Variants in CSMD1 observed in about 807,000 individuals in gnomAD.
CSMD1 encodes the protein CUB and sushi domain-containing protein 1.
A neutral mutation model predicts 417.5 loss-of-function variants in CSMD1; 213 were observed. The ratio of observed to expected loss-of-function variants is 0.51; its 90% confidence interval spans 0.46 to 0.57. The LOEUF is 0.57. Among genes scored for constraint, CSMD1 ranks in the 20% least tolerant of loss-of-function variants. The pLI is 0.00. For synonymous variants in CSMD1, 2,862 were observed against 1,736.8 expected, an observed-to-expected ratio of 1.65 and a Z score of -16.11; for missense variants, 6,923 against 4,529.7, an observed-to-expected ratio of 1.53 and a Z score of -15.17.
chr8:3,969,580 T>G (rs919714461), intron 5 of CSMD1, among the ~76,000 whole-genome samples: 5 of 152,178 alleles, frequency 3.3e-5, no homozygotes, highest in African/African-American at 1.2e-4. Context: ...GACGGCATAA[T>G]TGAAATTTCA....
intron 3 of CSMD1, among the ~76,000 whole-genome samples, chr8:4,338,131 G>T (rs1285887325): frequency 6.6e-6 from 1 of 152,040 alleles, no homozygotes; most frequent in African/African-American, 2.4e-5. Flanking sequence ...GAATTACTAT[G>T]ATTTTTATTC....
At chr8:4,137,879 AATTT>A (rs1803529314) in intron 3 of CSMD1, among the ~76,000 whole-genome samples, 1 of 151,092 alleles carries the variant, frequency 6.6e-6, no homozygotes. Flanking sequence ...TTTTTTAATT[AATTT>A]ATTTATTTAC....
chr8:4,206,985 T>A (rs893646484), intron 3 of CSMD1, among the ~76,000 whole-genome samples: 5 of 152,184 alleles, frequency 3.3e-5, no homozygotes, highest in African/African-American at 1.2e-4. Flanking sequence ...AAATTATAAA[T>A]CTATAAAAAT....
At chr8:4,520,046 T>C (rs767512493) in intron 2 of CSMD1, among the ~76,000 whole-genome samples, 1 of 152,076 alleles carries the variant, frequency 6.6e-6, no homozygotes, top group Non-Finnish European at 1.5e-5. Context: ...TCTATGCTTG[T>C]TTAACACTCA....
chr8:3,192,469 G>T (rs1035296296), intron 33 of CSMD1, among the ~76,000 whole-genome samples: 1 of 152,154 alleles, frequency 6.6e-6, no homozygotes, highest in Non-Finnish European at 1.5e-5. Flanking sequence ...TTGTTAAGAT[G>T]ATGACTTAGT....
At chr8:4,336,214 G>A (rs899247593) in intron 3 of CSMD1, among the ~76,000 whole-genome samples, 1 of 152,178 alleles carries the variant, frequency 6.6e-6, no homozygotes, top group African/African-American at 2.4e-5. Context: ...CAGGTAGTAT[G>A]AATGCACCTG....
At chr8:3,241,056 T>C (rs746653408) in intron 26 of CSMD1, among the ~76,000 whole-genome samples, 1 of 147,910 alleles carries the variant, frequency 6.8e-6, no homozygotes, top group Non-Finnish European at 1.5e-5. Flanking sequence ...CTCATACTTG[T>C]GGGTTAAGGT....
chr8:3,593,440 G>T (rs112136096), intron 8 of CSMD1, among the ~76,000 whole-genome samples: 2 of 152,218 alleles, frequency 1.3e-5, no homozygotes, highest in Non-Finnish European at 2.9e-5. Context: ...CCTAGGAAAG[G>T]TTATGACTGG....
chr8:4,387,750 TCAAAAATC>T (rs1803553540), intron 3 of CSMD1, among the ~76,000 whole-genome samples: 1 of 152,054 alleles, frequency 6.6e-6, no homozygotes, highest in Non-Finnish European at 1.5e-5. Flanking sequence ...TACAACATAT[TCAAAAATC>T]CTATCTGAAG....
At chr8:4,394,171 C>T (rs1804049850) in intron 3 of CSMD1, among the ~76,000 whole-genome samples, 1 of 152,186 alleles carries the variant, frequency 6.6e-6, no homozygotes, top group African/African-American at 2.4e-5. Context: ...TATCATCCAA[C>T]ATACATCTGT....
chr8:4,098,503 C>T (rs749965622), intron 3 of CSMD1, among the ~76,000 whole-genome samples: 1 of 151,970 alleles, frequency 6.6e-6, no homozygotes, highest in Non-Finnish European at 1.5e-5. Context: ...TAGTTTTAGG[C>T]CAGTTACCCA....
intron 5 of CSMD1, among the ~76,000 whole-genome samples, chr8:3,804,396 T>C (rs1354355317): frequency 1.3e-5 from 2 of 152,252 alleles, no homozygotes; most frequent in South Asian, 2.1e-4. Flanking sequence ...AAATAAAAAA[T>C]ACATTAATTA....
chr8:3,955,482 T>C (rs1811880415), intron 5 of CSMD1, among the ~76,000 whole-genome samples: 1 of 152,182 alleles, frequency 6.6e-6, no homozygotes, highest in Non-Finnish European at 1.5e-5. Flanking sequence ...TACTGATATG[T>C]CATTCTCTCT....
At position 4,525,571 on chromosome 8, in the gene CSMD1, G is replaced by A. The variant is rs80137987; in HGVS notation, c.303-105506C>T. On this transcript the variant is annotated intron_variant, in intron 2 of 69. Coordinates refer to ENST00000635120, the MANE Select transcript of CSMD1 (RefSeq NM_033225.6). Reference sequence around the variant, plus strand: ...CCCTAAAGGAAATGATTGCACATAAGAAATTGTAATTATCTGGTTTATACA... The same window carrying A: ...CCCTAAAGGAAATGATTGCACATAAAAAATTGTAATTATCTGGTTTATACA... Among the ~76,000 whole-genome samples the A allele has an allele frequency of 7.2e-5, 11 of 152,254 alleles. No homozygotes were observed. In the East Asian group the frequency reaches 2.1e-3, roughly 29 times the overall value.
chr8:3,859,872 T>C (rs1804575680), intron 5 of CSMD1, among the ~76,000 whole-genome samples: 1 of 152,190 alleles, frequency 6.6e-6, no homozygotes, highest in African/African-American at 2.4e-5. Flanking sequence ...CAGGCATCTC[T>C]TCTTCAGATG....
intron 18 of CSMD1, among the ~76,000 whole-genome samples, chr8:3,372,886 C>G (rs1810061249): frequency 6.6e-6 from 1 of 152,140 alleles, no homozygotes. Flanking sequence ...GGAACTAATG[C>G]CAGCGCACCG....
chr8:3,610,935 C>G (rs1801861663), intron 8 of CSMD1, among the ~76,000 whole-genome samples: 1 of 151,630 alleles, frequency 6.6e-6, no homozygotes. Context: ...CGATTTCGCA[C>G]CAGTCAAGCA....
intron 10 of CSMD1, among the ~76,000 whole-genome samples, chr8:3,523,240 A>C (rs186763330): frequency 5.1e-4 from 78 of 152,340 alleles, no homozygotes; most frequent in Admixed American, 3.3e-4. Context: ...AGTAAGACCT[A>C]AAGCATCTAC....
intron 3 of CSMD1, among the ~76,000 whole-genome samples, chr8:4,373,934 A>G (rs750267694): frequency 5.3e-5 from 8 of 152,246 alleles, no homozygotes; most frequent in Non-Finnish European, 1.0e-4. Flanking sequence ...CTCTATACCT[A>G]GAAGACTTTA....
Sources: gnomAD v4.1 joint callset for allele counts (sites outside exome capture counted in the v4.1 genomes callset) on GRCh38, gnomAD v4.1.1 for gene constraint, MANE v1.5 for transcripts, NCBI Gene and HGNC (gene_info 2026-07-23, HGNC 2026-07-21) for gene names.